Variants in CDH18 observed in about 807,000 individuals in gnomAD.
CDH18 encodes cadherin 18.
Under a neutral mutation model 67.9 loss-of-function variants are expected in CDH18, and 31 were observed. The observed-to-expected ratio is 0.46, with a 90% confidence interval of 0.34 to 0.62. The LOEUF is 0.62. CDH18 is among the 20% of genes least tolerant of loss of function. The pLI, the probability that CDH18 is intolerant of heterozygous loss-of-function variation, is 0.01. For synonymous variants in CDH18, 362 were observed against 347.2 expected (o/e 1.04, Z -0.48); for missense variants, 890 against 975.5 (o/e 0.91, Z 1.17).
chr5:19,902,596 C>A (rs1652259867), intron 2 of CDH18, among the ~76,000 whole-genome samples: 1 of 151,524 alleles, frequency 6.6e-6, no homozygotes, highest in Non-Finnish European at 1.5e-5. Flanking sequence ...CAGCCAACGG[C>A]AATCTTGTGC....
intron 1 of CDH18, among the ~76,000 whole-genome samples, chr5:20,368,908 T>C (rs1742742504): frequency 6.6e-6 from 1 of 152,176 alleles, no homozygotes; most frequent in Non-Finnish European, 1.5e-5. Flanking sequence ...TACGTTCTCC[T>C]GTAATTTATG....
chr5:19,669,903 T>C (rs1208019622), intron 5 of CDH18, among the ~76,000 whole-genome samples: 1 of 152,118 alleles, frequency 6.6e-6, no homozygotes, highest in Non-Finnish European at 1.5e-5. Context: ...AATTTTATGT[T>C]ATAGATCTTA....
intron 4 of CDH18, among the ~76,000 whole-genome samples, chr5:19,739,980 G>A (rs1418933556): frequency 6.6e-6 from 1 of 151,590 alleles, no homozygotes; most frequent in East Asian, 1.9e-4. Flanking sequence ...TTAGAGATTG[G>A]AGGTGAAAAA....
intron 1 of CDH18, among the ~76,000 whole-genome samples, chr5:20,317,517 T>G (rs1465177084): frequency 6.6e-6 from 1 of 152,152 alleles, no homozygotes; most frequent in African/African-American, 2.4e-5. Flanking sequence ...AGTACACATA[T>G]CTATATGGGG....
At position 19,561,690 on chromosome 5, in the gene CDH18, T is replaced by C. The variant is rs574681906; in HGVS notation, c.1253+9889A>G. Among the ~76,000 whole-genome samples, 11 of 152,222 alleles carry C rather than the reference T, an allele frequency of 7.2e-5. No homozygotes were observed. The East Asian group carries it at 2.1e-3, about 29-fold the overall frequency. Reference sequence around the variant, plus strand: ...ATAGGCCAAAACAGAAAACAAGTAGTTGTATGACTAAATGTGTTATAATTA... The same window carrying C: ...ATAGGCCAAAACAGAAAACAAGTAGCTGTATGACTAAATGTGTTATAATTA... On this transcript the variant is annotated intron_variant, in intron 8 of 12. Coordinates refer to ENST00000382275, the MANE Select transcript of CDH18 (RefSeq NM_004934.5).
upstream of CDH18, among the ~76,000 whole-genome samples, chr5:19,992,359 A>G (rs569403279): frequency 5.3e-5 from 8 of 151,960 alleles, no homozygotes; most frequent in Non-Finnish European, 1.2e-4. Flanking sequence ...TGAAATGAGG[A>G]CACTGAGTTC....
chr5:19,677,162 GT>G (rs1316701310), intron 5 of CDH18, among the ~76,000 whole-genome samples: 3 of 152,062 alleles, frequency 2.0e-5, no homozygotes, highest in African/African-American at 7.2e-5. Flanking sequence ...ATTGGGAAGA[GT>G]AAGGTCATCT....
intron 2 of CDH18, among the ~76,000 whole-genome samples, chr5:19,957,185 T>A (rs1047270734): frequency 6.6e-6 from 1 of 152,044 alleles, no homozygotes; most frequent in South Asian, 2.1e-4. Context: ...CCCTGGGGCA[T>A]CTGGAGAATC....
At chr5:20,404,256 GCTTT>G (rs1746031142) in intron 1 of CDH18, among the ~76,000 whole-genome samples, 1 of 152,098 alleles carries the variant, frequency 6.6e-6, no homozygotes, top group Non-Finnish European at 1.5e-5. Flanking sequence ...CAGCTATTTT[GCTTT>G]CTTATCATTG....
intron 1 of CDH18, among the ~76,000 whole-genome samples, chr5:20,320,361 A>G (rs1190746594): frequency 6.6e-6 from 1 of 152,200 alleles, no homozygotes; most frequent in Non-Finnish European, 1.5e-5. Flanking sequence ...CACACAAAAA[A>G]AAGAACCACT....
chr5:19,730,249 A>G (rs1767415819), intron 4 of CDH18, among the ~76,000 whole-genome samples: 1 of 151,992 alleles, frequency 6.6e-6, no homozygotes, highest in Non-Finnish European at 1.5e-5. Context: ...CTTGTTCTCA[A>G]TTTTCTCTAT....
At chr5:20,397,106 TTTTTTG>T (rs1024456524) in intron 1 of CDH18, among the ~76,000 whole-genome samples, 9 of 152,128 alleles carry the variant, frequency 5.9e-5, no homozygotes, top group Admixed American at 2.0e-4. Context: ...TCCACACATG[TTTTTTG>T]TTTTTGTTTT....
intron 2 of CDH18, among the ~76,000 whole-genome samples, chr5:19,866,867 G>T (rs1036130471): frequency 1.3e-5 from 2 of 152,058 alleles, no homozygotes; most frequent in Non-Finnish European, 2.9e-5. Flanking sequence ...CGAAGCAGGC[G>T]GATCACAAGG....
At chr5:20,081,947 G>A (rs1297855967) in intron 2 of CDH18, among the ~76,000 whole-genome samples, 1 of 152,004 alleles carries the variant, frequency 6.6e-6, no homozygotes, top group Admixed American at 6.6e-5. Flanking sequence ...TAAAATAAGA[G>A]TTGAAAAACA....
intron 5 of CDH18, among the ~76,000 whole-genome samples, chr5:19,705,404 C>A (rs757674375): frequency 1.8e-4 from 28 of 152,140 alleles, no homozygotes; most frequent in East Asian, 3.9e-4. Context: ...TTGGATACGA[C>A]CTGCCCTAGG....
intron 1 of CDH18, among the ~76,000 whole-genome samples, chr5:20,554,284 A>C (rs1757788715): frequency 1.3e-5 from 2 of 152,308 alleles, no homozygotes; most frequent in South Asian, 4.1e-4. Context: ...GTTTGACCCA[A>C]GGGTCATAAT....
intron 2 of CDH18, among the ~76,000 whole-genome samples, chr5:20,218,270 CA>C (rs945547905): frequency 5.3e-5 from 8 of 151,618 alleles, no homozygotes; most frequent in Non-Finnish European, 1.2e-4. Flanking sequence ...TGCTAGGCCA[CA>C]AAAAAAGTTT....
At chr5:20,381,235 T>C (rs1398662517) in intron 1 of CDH18, among the ~76,000 whole-genome samples, 1 of 152,152 alleles carries the variant, frequency 6.6e-6, no homozygotes, top group African/African-American at 2.4e-5. Context: ...AGAAAATAAA[T>C]GTATTTTGCT....
intron 1 of CDH18, among the ~76,000 whole-genome samples, chr5:20,552,165 T>C (rs1757667033): frequency 6.6e-6 from 1 of 151,582 alleles, no homozygotes; most frequent in Non-Finnish European, 1.5e-5. Context: ...TGTGCAGAAT[T>C]TTTGGTTTCA....
Sources: allele counts gnomAD v4.1 joint callset (sites outside exome capture counted in the v4.1 genomes callset), GRCh38; gene constraint gnomAD v4.1.1; transcripts MANE v1.5; gene names NCBI Gene and HGNC (gene_info 2026-07-23, HGNC 2026-07-21).